Variants in TFDP2 observed in about 807,000 individuals in gnomAD.
The protein encoded by TFDP2 is transcription factor Dp-2 (E2F dimerization partner 2).
A neutral mutation model predicts 59.3 loss-of-function variants in TFDP2; 17 were observed. The ratio of observed to expected loss-of-function variants is 0.29; its 90% CI spans 0.20 to 0.43. The LOEUF (loss-of-function observed/expected upper bound fraction) is 0.43. Ranked by LOEUF, TFDP2 falls within the 20% of genes least tolerant of loss-of-function variation. The probability of loss-of-function intolerance (pLI) is 1.00; values close to 1 mark genes in which losing one functional copy is unlikely to be tolerated. For synonymous variants in TFDP2, 180 were observed against 194.7 expected, an observed-to-expected ratio of 0.92 and a Z score of 0.63; for missense variants, 391 against 528.8, an observed-to-expected ratio of 0.74 and a Z score of 2.56.
At chr3:142,095,281 C>T (rs1045213668) in intron 2 of TFDP2, among the ~76,000 whole-genome samples, 6 of 152,192 alleles carry the variant, frequency 3.9e-5, no homozygotes, top group African/African-American at 7.2e-5. Context: ...TGAGCCACCA[C>T]GCCTGGCTGT....
rs142938219 is a variant in TFDP2 at position 142,077,136 on chromosome 3, G to A, written c.82+15925C>T. ...CTGATACCCACAGAGGGAACATATA[G>A]AACAGCTCTAGACAGAAGGAATCGT... On this transcript the variant is annotated intron_variant, in intron 3 of 12. Transcript: ENST00000489671. Among the ~76,000 whole-genome samples the A allele has an allele frequency of 1.1e-4, 17 of 152,294 alleles. No homozygotes were observed. The East Asian group carries it at 3.3e-3, about 29-fold the overall frequency.
chr3:142,082,548 A>C (rs928994186), intron 3 of TFDP2, among the ~76,000 whole-genome samples: 2 of 152,084 alleles, frequency 1.3e-5, no homozygotes, highest in Non-Finnish European at 2.9e-5. Flanking sequence ...AGATGCCAAA[A>C]CCAGACAAAG....
At chr3:142,140,293 C>A (rs936596024) in intron 1 of TFDP2, among the ~76,000 whole-genome samples, 2 of 152,108 alleles carry the variant, frequency 1.3e-5, no homozygotes, top group African/African-American at 4.8e-5. Context: ...AGCTTCCTTG[C>A]GATGGGTTAG....
chr3:142,125,998 A>C (rs2062228972), intron 1 of TFDP2, among the ~76,000 whole-genome samples: 2 of 152,182 alleles, frequency 1.3e-5, no homozygotes, highest in Admixed American at 1.3e-4. Context: ...GATATTTTAG[A>C]TAGAACCCTT....
intron 3 of TFDP2, among the ~76,000 whole-genome samples, chr3:142,065,088 G>A (rs1344292622): frequency 2.0e-5 from 3 of 152,098 alleles, no homozygotes; most frequent in Admixed American, 6.5e-5. Flanking sequence ...AAAGCAACTC[G>A]CTGGGATGAA....
In TFDP2 at chr3:141,964,037, C is replaced by T; in HGVS notation, c.733-74G>A. The T allele has an allele frequency of 3.6e-6, 5 of 1,379,698 alleles. No individual in the cohort carries two copies. In the Admixed American group the frequency reaches 6.5e-5, roughly 18 times the overall value. 85.5% of individuals were successfully genotyped at this position (1,379,698 alleles called of 1,614,324 possible). A position where few individuals can be genotyped will look rare whatever the true frequency, so the allele number is the denominator to read the frequency against. On this transcript the variant is annotated intron_variant, in intron 9 of 12. Coordinates refer to ENST00000489671, the MANE Select transcript of TFDP2 (RefSeq NM_001178139.2). ...GGAATTTAAAAGAATTAAGATAATA[C>T]CTTTAAATATAGTTTAAAATTAGAG...
At chr3:142,027,669 C>T (rs757392471) in intron 3 of TFDP2, among the ~76,000 whole-genome samples, 19 of 152,054 alleles carry the variant, frequency 1.2e-4, no homozygotes, top group Non-Finnish European at 1.8e-4. Flanking sequence ...AAAAATAAGA[C>T]GTGTCTAATA....
chr3:141,979,459 A>T (rs1421970910), intron 6 of TFDP2, among the ~76,000 whole-genome samples: 1 of 152,228 alleles, frequency 6.6e-6, no homozygotes, highest in Non-Finnish European at 1.5e-5. Context: ...AGAAGAACGC[A>T]TTGTTATCAC....
Position 141,952,304 on chromosome 3 carries a change from C to T in TFDP2, c.*209G>A, listed in dbSNP as rs1936013780. 2.2e-6 allele frequency: 1 copy of T among 463,006 alleles called. No homozygotes were observed. The allele number at this position is 463,006 out of a possible 1,614,324, so 28.7% of individuals were successfully genotyped here. Reference sequence around the variant, plus strand: ...GCTTTCTTTGTTATATCATCTACTGCTCTGTTGGCCAGACTTTCATTCACA... The same window carrying T: ...GCTTTCTTTGTTATATCATCTACTGTTCTGTTGGCCAGACTTTCATTCACA... On this transcript the variant is annotated 3_prime_UTR_variant, in exon 13 of 13. Coordinates refer to ENST00000489671, the MANE Select transcript of TFDP2 (RefSeq NM_001178139.2).
intron 4 of TFDP2, among the ~76,000 whole-genome samples, chr3:142,004,163 A>G (rs755053756): frequency 1.3e-5 from 2 of 152,160 alleles, no homozygotes; most frequent in Non-Finnish European, 2.9e-5. Flanking sequence ...TTAAATCTCT[A>G]TGAGGTTTGG....
intron 1 of TFDP2, among the ~76,000 whole-genome samples, chr3:142,125,643 A>G (rs1256892892): frequency 6.6e-6 from 1 of 152,230 alleles, no homozygotes; most frequent in Non-Finnish European, 1.5e-5. Context: ...CTCATTGTGT[A>G]TTGATATAGA....
At chr3:141,966,926 A>G (rs1266215361) in intron 9 of TFDP2, among the ~76,000 whole-genome samples, 1 of 149,240 alleles carries the variant, frequency 6.7e-6, no homozygotes, top group Non-Finnish European at 1.5e-5. Flanking sequence ...TAAAAAAAAA[A>G]AAAAAAAAAA....
chr3:141,959,236 G>A lies in TFDP2; in HGVS notation c.1051+438C>T, dbSNP rs981466990. On this transcript the variant is annotated intron_variant, in intron 11 of 12. Coordinates refer to ENST00000489671, the MANE Select transcript of TFDP2 (RefSeq NM_001178139.2). ...TTCCCAAAGTGCTGGGATTACAGGTGTGAGCTGCAGCGCCCGGCCAGGATG... is the reference window on the plus strand; with the variant it reads ...TTCCCAAAGTGCTGGGATTACAGGTATGAGCTGCAGCGCCCGGCCAGGATG... Among the ~76,000 whole-genome samples the A allele has an allele frequency of 8.5e-5, 13 of 152,076 alleles. No individual in the cohort carries two copies. The South Asian group carries it at 1.5e-3, about 17-fold the overall frequency.
At chr3:141,993,472 T>A in intron 6 of TFDP2, 66 bp downstream of exon 6, 1 of 977,394 alleles carries the variant, frequency 1.0e-6, no homozygotes, top group Non-Finnish European at 1.5e-6. Context: ...ACCAGAGCAG[T>A]GGCAATGCCA....
chr3:141,989,884 A>G (rs529165220), intron 6 of TFDP2, among the ~76,000 whole-genome samples: 5 of 149,650 alleles, frequency 3.3e-5, no homozygotes, highest in Non-Finnish European at 7.4e-5. Flanking sequence ...CTTTAATAAT[A>G]ATAATAATAA....
intron 3 of TFDP2, among the ~76,000 whole-genome samples, chr3:142,019,000 C>T (rs13065446): frequency 0.68 from 95,410 of 141,062 alleles, 32,455 homozygotes; most frequent in East Asian, 0.78. Flanking sequence ...ATACTTGCTG[C>T]AAATATTTCC....
intron 1 of TFDP2, among the ~76,000 whole-genome samples, chr3:142,106,662 C>G (rs1218739822): frequency 6.6e-6 from 1 of 152,182 alleles, no homozygotes; most frequent in East Asian, 1.9e-4. Context: ...TTCCTGTCAC[C>G]AAGCTCTTCT....
intron 1 of TFDP2, among the ~76,000 whole-genome samples, chr3:142,137,571 G>A (rs879017210): frequency 1.3e-5 from 2 of 152,092 alleles, no homozygotes; most frequent in Non-Finnish European, 2.9e-5. Context: ...CTAGTTTATT[G>A]AGAGTTTTTA....
At chr3:141,980,660 C>T (rs1417618865) in intron 6 of TFDP2, among the ~76,000 whole-genome samples, 2 of 152,132 alleles carry the variant, frequency 1.3e-5, no homozygotes, top group Non-Finnish European at 2.9e-5. Flanking sequence ...TTCAGCCTCC[C>T]GAGTAGCTGG....
Sources: allele counts gnomAD v4.1 joint callset (sites outside exome capture counted in the v4.1 genomes callset), GRCh38; gene constraint gnomAD v4.1.1; transcripts MANE v1.5; gene names NCBI Gene and HGNC (gene_info 2026-07-23, HGNC 2026-07-21).